CDK7: variants seen among roughly 807,000 people sequenced by gnomAD.
CDK7 encodes the protein cyclin dependent kinase 7, also known as cyclin-dependent kinase 7.
CDK7 carries 25 observed loss-of-function variants against 49.1 expected under a neutral mutation model. That is an observed-to-expected ratio of 0.51 (90% CI 0.37 to 0.71). The LOEUF (loss-of-function observed/expected upper bound fraction) is 0.71. Ranked by LOEUF, CDK7 falls within the 30% of genes least tolerant of loss-of-function variation. The pLI is 0.00. For synonymous variants in CDK7, 107 were observed against 140.0 expected (o/e 0.76, Z 1.67); for missense variants, 316 against 411.7 (o/e 0.77, Z 2.01).
At chr5:69,239,361 C>G (rs1201694498) in intron 2 of CDK7, among the ~76,000 whole-genome samples, 1 of 152,134 alleles carries the variant, frequency 6.6e-6, no homozygotes, top group Non-Finnish European at 1.5e-5. Context: ...CACTTACTGG[C>G]TTCTTAGATT....
At chr5:69,276,121 TG>T (rs993568331) in intron 10 of CDK7, among the ~76,000 whole-genome samples, 3 of 152,174 alleles carry the variant, frequency 2.0e-5, no homozygotes, top group Non-Finnish European at 2.9e-5. Context: ...CCTCTGCCTC[TG>T]GGTTCAAGCG....
chr5:69,251,114 T>TTC (rs1554063779), intron 2 of CDK7, among the ~76,000 whole-genome samples: 4 of 150,782 alleles, frequency 2.7e-5, no homozygotes, highest in African/African-American at 4.9e-5. Flanking sequence ...TTTTTTTTTT[T>TTC]CGAGACAGAG....
At chr5:69,273,102 A>G (rs888655627) in intron 10 of CDK7, 61 bp downstream of exon 10, 18 of 1,143,030 alleles carry the variant, frequency 1.6e-5, no homozygotes, top group Non-Finnish European at 2.0e-5. Context: ...TGTAGCATTG[A>G]TAAAAATAGA....
At position 69,246,769 on chromosome 5, in the gene CDK7, G is replaced by A. The variant is rs145962016; in HGVS notation, c.127-5649G>A. Reference sequence around the variant, plus strand: ...CTTCCCTCTGAGTACTGCTTTCCCCGTATCCCAAGGTTTTTGGTATGTTGT... The same window carrying A: ...CTTCCCTCTGAGTACTGCTTTCCCCATATCCCAAGGTTTTTGGTATGTTGT... On this transcript the variant is annotated intron_variant, in intron 2 of 11. Transcript: ENST00000256443. Among the ~76,000 whole-genome samples the A allele has an allele frequency of 1.5e-4, 22 of 150,196 alleles. No individual in the cohort carries two copies. The East Asian group carries it at 1.7e-3, about 12-fold the overall frequency.
chr5:69,252,548 C>T, intron 3 of CDK7, 97 bp downstream of exon 3: 1 of 724,748 alleles, frequency 1.4e-6, no homozygotes, highest in East Asian at 3.0e-5. Flanking sequence ...CTTGCTCTGT[C>T]ACCCAGGCTG....
chr5:69,270,121 A>G (rs1751436968), intron 9 of CDK7, among the ~76,000 whole-genome samples: 1 of 148,420 alleles, frequency 6.7e-6, no homozygotes, highest in Non-Finnish European at 1.5e-5. Context: ...TTCACGTGCA[A>G]TTGTGAATAT....
intron 2 of CDK7, among the ~76,000 whole-genome samples, chr5:69,244,887 A>G (rs1032555658): frequency 2.0e-5 from 3 of 152,150 alleles, no homozygotes; most frequent in Admixed American, 6.6e-5. Context: ...AGTTTTTATC[A>G]TGAAGGGATG....
chr5:69,273,628 A>C (rs958376749), intron 10 of CDK7, among the ~76,000 whole-genome samples: 5 of 152,192 alleles, frequency 3.3e-5, no homozygotes, highest in Admixed American at 6.5e-5. Flanking sequence ...ACTCATGAAA[A>C]ATTTGGAAGA....
intron 2 of CDK7, among the ~76,000 whole-genome samples, chr5:69,243,235 G>T (rs1489779422): frequency 6.6e-6 from 1 of 152,204 alleles, no homozygotes; most frequent in Admixed American, 6.5e-5. Context: ...GTTTGTAAAG[G>T]AGTATCTCTT....
intron 9 of CDK7, among the ~76,000 whole-genome samples, chr5:69,269,590 A>G (rs1476289661): frequency 6.6e-6 from 1 of 152,160 alleles, no homozygotes; most frequent in Non-Finnish European, 1.5e-5. Flanking sequence ...CTACGAACAT[A>G]AAAGGGTTGC....
At chr5:69,259,485 T>G (rs1750685673) in intron 6 of CDK7, among the ~76,000 whole-genome samples, 1 of 152,162 alleles carries the variant, frequency 6.6e-6, no homozygotes, top group Admixed American at 6.6e-5. Flanking sequence ...AAAGTTCATA[T>G]TTATTATTAA....
chr5:69,245,152 CTT>C (rs1343141442), intron 2 of CDK7, among the ~76,000 whole-genome samples: 1 of 151,886 alleles, frequency 6.6e-6, no homozygotes, highest in Non-Finnish European at 1.5e-5. Flanking sequence ...TTTGATGTGT[CTT>C]TGTCTGATTT....
At chr5:69,270,171 C>A (rs1751440060) in intron 9 of CDK7, among the ~76,000 whole-genome samples, 1 of 151,914 alleles carries the variant, frequency 6.6e-6, no homozygotes, top group Non-Finnish European at 1.5e-5. Context: ...CACAATGGCT[C>A]ACGCCTGTAA....
chr5:69,276,969 T>G (rs536040898), intron 11 of CDK7, 138 bp from the exon 12 acceptor site: 1 of 740,314 alleles, frequency 1.4e-6, no homozygotes, highest in East Asian at 2.6e-5. Flanking sequence ...ATGCTAAATG[T>G]TTAACAAGTG....
At chr5:69,272,806 C>A in intron 9 of CDK7, 86 bp from the exon 10 acceptor site, 1 of 765,808 alleles carries the variant, frequency 1.3e-6, no homozygotes, top group Non-Finnish European at 1.9e-6. Context: ...CTATATAAAC[C>A]ATCATATCAC....
At chr5:69,254,843 C>A (rs1750386771) in intron 4 of CDK7, among the ~76,000 whole-genome samples, 174 bp downstream of exon 4, 1 of 152,118 alleles carries the variant, frequency 6.6e-6, no homozygotes, top group African/African-American at 2.4e-5. Flanking sequence ...AAAACTATAC[C>A]ACTGATTAAA....
intron 2 of CDK7, among the ~76,000 whole-genome samples, chr5:69,245,296 T>C (rs1749668600): frequency 3.2e-5 from 1 of 31,060 alleles, no homozygotes; most frequent in African/African-American, 9.7e-5. Flanking sequence ...TCCCCTCCCT[T>C]CCCCCTCCCC....
chr5:69,265,271 TAAA>T (rs11346593), intron 8 of CDK7, among the ~76,000 whole-genome samples: 2 of 82,356 alleles, frequency 2.4e-5, no homozygotes, highest in African/African-American at 9.8e-5. Context: ...TCTCAAAAAA[TAAA>T]AAAAAAAATG....
chr5:69,244,026 G>A (rs1749566576), intron 2 of CDK7, among the ~76,000 whole-genome samples: 1 of 147,608 alleles, frequency 6.8e-6, no homozygotes, highest in South Asian at 2.1e-4. Context: ...TAGAGACGGG[G>A]TTTCACTATG....
Sources: allele counts gnomAD v4.1 joint callset (sites outside exome capture counted in the v4.1 genomes callset), GRCh38; gene constraint gnomAD v4.1.1; transcripts MANE v1.5; gene names NCBI Gene and HGNC (gene_info 2026-07-23, HGNC 2026-07-21).